The following IFRD1 variants were observed in gnomAD, a reference collection of about 807,000 sequenced individuals.
IFRD1 encodes the protein interferon-related developmental regulator 1.
A neutral mutation model predicts 52.9 loss-of-function variants in IFRD1; 35 were observed. That is an observed-to-expected ratio of 0.66 (90% CI 0.51 to 0.88). The LOEUF (loss-of-function observed/expected upper bound fraction) is 0.88, where lower values mean the gene tolerates loss of function less well. IFRD1 is among the 40% of genes least tolerant of loss of function. The pLI is 0.00. For synonymous variants in IFRD1, 184 were observed against 188.4 expected, an observed-to-expected ratio of 0.98 and a Z score of 0.19; for missense variants, 517 against 550.8, an observed-to-expected ratio of 0.94 and a Z score of 0.61.
chr7:112,444,645 T>C (rs1794975567), intron 1 of IFRD1, among the ~76,000 whole-genome samples: 1 of 152,212 alleles, frequency 6.6e-6, no homozygotes, highest in Non-Finnish European at 1.5e-5. Context: ...AACAACTGAA[T>C]GTCCCCTGTA....
intron 5 of IFRD1, among the ~76,000 whole-genome samples, chr7:112,460,161 C>T (rs1795398493): frequency 6.6e-6 from 1 of 150,724 alleles, no homozygotes; most frequent in Non-Finnish European, 1.5e-5. Flanking sequence ...TCCATACTTC[C>T]AAGTTGCTGT....
intron 1 of IFRD1, among the ~76,000 whole-genome samples, chr7:112,428,180 G>T (rs1794469126): frequency 6.6e-6 from 1 of 152,226 alleles, no homozygotes; most frequent in South Asian, 2.1e-4. Flanking sequence ...CATGTGAGAA[G>T]TGCAAAGCAA....
intron 4 of IFRD1, chr7:112,457,278 C>T (rs1795320021): frequency 1.7e-6 from 1 of 586,818 alleles, no homozygotes; most frequent in Non-Finnish European, 3.0e-6. Context: ...TTGTCATCAA[C>T]CTTTTTTGTA....
chr7:112,459,004 C>A lies in IFRD1; in HGVS notation c.553C>A (p.Gln185Lys), dbSNP rs1258740320. The change falls in exon 5 of 12, where the codon CAG (glutamine) becomes AAG (lysine). Residue 185 changes from glutamine to lysine, a missense_variant. Coordinates refer to ENST00000403825, the MANE Select transcript of IFRD1 (RefSeq NM_001550.4). ...KIICDGSASM[Q>K]ARQTCATCFG... ...CATTTGTGATGGGTCAGCTAGTATG[C>A]AGGCTAGGCAAACTGTAAGTATAAG... 6.2e-7 allele frequency: 1 copy of A among 1,613,240 alleles called. No homozygotes were observed. The highest frequency in any genetic ancestry group is 1.7e-5 in the Admixed American group (1 of 59,996).
intron 1 of IFRD1, among the ~76,000 whole-genome samples, chr7:112,451,362 G>A (rs951051439): frequency 5.9e-4 from 90 of 152,312 alleles, no homozygotes; most frequent in African/African-American, 1.9e-3. Flanking sequence ...GAGGCGGGGG[G>A]ACCACTTTCT....
Position 112,475,457 on chromosome 7 carries a change from G to T in IFRD1, c.1294G>T (p.Ala432Ser). Residue 432 changes from alanine to serine, a missense_variant, in exon 12 of 12, where the codon GCT becomes TCT. Physicochemically the swap from Ala to Ser is moderately conservative, Grantham distance 99. Coordinates refer to ENST00000403825, the MANE Select transcript of IFRD1 (RefSeq NM_001550.4). ...RHLYNSAAFK[A>S]RTKARSKCRD... The stretch of plus-strand genomic sequence containing the variant: ...TTTATATAACTCTGCAGCCTTCAAA[G>T]CTCGAACCAAAGCTAGAAGCAAATG... 6.2e-7 allele frequency: 1 copy of T among 1,611,998 alleles called. No homozygotes were observed. The highest frequency in any genetic ancestry group is 8.5e-7 in the Non-Finnish European group (1 of 1,178,494).
intron 1 of IFRD1, among the ~76,000 whole-genome samples, chr7:112,445,270 G>C (rs1032660091): frequency 6.6e-6 from 1 of 151,888 alleles, no homozygotes; most frequent in African/African-American, 2.4e-5. Flanking sequence ...GTTTCACCGT[G>C]TTAGCCAGGA....
At chr7:112,452,443 A>G in intron 1 of IFRD1, 6 of 982,916 alleles carry the variant, frequency 6.1e-6, no homozygotes, top group Non-Finnish European at 7.2e-6. Flanking sequence ...GCCTGGTCTG[A>G]GGATATTTCT....
At chr7:112,444,982 C>T (rs955128124) in intron 1 of IFRD1, among the ~76,000 whole-genome samples, 19 of 151,580 alleles carry the variant, frequency 1.3e-4, no homozygotes, top group African/African-American at 4.4e-4. Context: ...AAACCCATGA[C>T]TCCTAGGAAC....
In IFRD1 at chr7:112,464,280, T is replaced by C. The variant is rs145932741; in HGVS notation, c.906+1902T>C. Among the ~76,000 whole-genome samples the C allele has an allele frequency of 1.3e-3, 191 of 152,222 alleles. 1 individual carries two copies. Among genetic ancestry groups the C allele is most frequent in the Middle Eastern group, 3.4e-3 (1 of 294 alleles). ...CCTGAGAGACTTAGAAAAAAAACTT[T>C]TGAAGAGCTAACTTTTAGGTTGGAT... is the stretch of plus-strand genomic sequence containing the variant. On this transcript the variant is annotated intron_variant, in intron 8 of 11. Transcript: ENST00000403825.
At chr7:112,473,900 T>C (rs1795827426) in intron 11 of IFRD1, among the ~76,000 whole-genome samples, 1 of 152,222 alleles carries the variant, frequency 6.6e-6, no homozygotes, top group African/African-American at 2.4e-5. Flanking sequence ...TAGCAGTCAC[T>C]TCCCTTGTGC....
intron 1 of IFRD1, among the ~76,000 whole-genome samples, chr7:112,441,976 G>T (rs916374583): frequency 6.6e-6 from 1 of 152,150 alleles, no homozygotes; most frequent in African/African-American, 2.4e-5. Flanking sequence ...AGAAAAAAAT[G>T]GATAAATATC....
intron 8 of IFRD1, chr7:112,467,745 G>T: frequency 2.1e-6 from 1 of 487,196 alleles, no homozygotes; most frequent in Non-Finnish European, 3.7e-6. Context: ...GCATTTACTT[G>T]GAAGGGAAAT....
chr7:112,444,114 A>C (rs1794963075), intron 1 of IFRD1, among the ~76,000 whole-genome samples: 1 of 152,190 alleles, frequency 6.6e-6, no homozygotes, highest in South Asian at 2.1e-4. Flanking sequence ...CGTCATAACT[A>C]TCCTAGTTTG....
Position 112,472,970 on chromosome 7 carries a change from T to C in IFRD1, c.1266+109T>C, listed in dbSNP as rs1222672764. 7 of 763,204 alleles carry C rather than the reference T, an allele frequency of 9.2e-6. No individual in the cohort carries two copies. In the East Asian group the frequency reaches 1.6e-4, roughly 17 times the overall value. 47.3% of individuals were successfully genotyped at this position (763,204 alleles called of 1,614,324 possible). On this transcript the variant is annotated intron_variant, in intron 11 of 11. Transcript: ENST00000403825. Reference sequence around the variant, plus strand: ...CTATATGTGGAGTTTTAGTTTTTCATGATGCTTCACATAGAATAGCTGTAC... The same window carrying C: ...CTATATGTGGAGTTTTAGTTTTTCACGATGCTTCACATAGAATAGCTGTAC...
intron 1 of IFRD1, chr7:112,423,544 C>G (rs1794365633): frequency 6.6e-6 from 1 of 151,994 alleles, no homozygotes; most frequent in East Asian, 1.9e-4. Flanking sequence ...TGCTCTTAAC[C>G]CGGTAAGTGG....
At chr7:112,453,150 C>A (rs1795204815) in intron 1 of IFRD1, among the ~76,000 whole-genome samples, 1 of 152,126 alleles carries the variant, frequency 6.6e-6, no homozygotes, top group South Asian at 2.1e-4. Flanking sequence ...CACTATGTAA[C>A]CAAATTGTCA....
chr7:112,459,276 A>G (rs1795373066), intron 5 of IFRD1, among the ~76,000 whole-genome samples: 1 of 152,236 alleles, frequency 6.6e-6, no homozygotes, highest in Non-Finnish European at 1.5e-5. Flanking sequence ...TAGGAAACTG[A>G]AATTCTGATT....
chr7:112,449,011 G>A (rs1366912431), upstream of IFRD1, among the ~76,000 whole-genome samples: 1 of 152,230 alleles, frequency 6.6e-6, no homozygotes, highest in Non-Finnish European at 1.5e-5. Flanking sequence ...AAGGGAGTCA[G>A]GGCCAGGCTA....
Sources: gnomAD v4.1 joint callset for allele counts (sites outside exome capture counted in the v4.1 genomes callset) on GRCh38, gnomAD v4.1.1 for gene constraint, MANE v1.5 for transcripts, NCBI Gene and HGNC (gene_info 2026-07-23, HGNC 2026-07-21) for gene names.